The following ARHGEF10 variants were observed in gnomAD, a reference collection of about 807,000 sequenced individuals.
ARHGEF10 encodes the protein Rho guanine nucleotide exchange factor (GEF) 10.
In ARHGEF10, 140 loss-of-function variants were observed where a neutral mutation model predicts 147.4. The observed-to-expected ratio is 0.95, with a 90% CI of 0.83 to 1.09. ARHGEF10 has a LOEUF of 1.09. Among genes scored for constraint, ARHGEF10 ranks in the 50% least tolerant of loss-of-function variants. The pLI is 0.00. For synonymous variants in ARHGEF10, 902 were observed against 695.8 expected (o/e 1.30, Z -4.67); for missense variants, 2,222 against 1,752.7 (o/e 1.27, Z -4.78).
At chr8:1,946,667 G>A (rs1387488072) in intron 27 of ARHGEF10, among the ~76,000 whole-genome samples, 2 of 152,174 alleles carry the variant, frequency 1.3e-5, no homozygotes, top group Non-Finnish European at 2.9e-5. Context: ...CTTCAACATC[G>A]AAATCTGGGG....
intron 15 of ARHGEF10, among the ~76,000 whole-genome samples, chr8:1,901,102 A>G (rs2129170530): frequency 6.6e-6 from 1 of 151,882 alleles, no homozygotes; most frequent in South Asian, 2.1e-4. Flanking sequence ...CTGTGTCTGG[A>G]GTCATTGTGT....
At chr8:1,832,177 A>G (rs78488845) in intron 1 of ARHGEF10, among the ~76,000 whole-genome samples, 11,153 of 152,244 alleles carry the variant, frequency 0.073, 515 homozygotes, top group African/African-American at 0.14. Context: ...ACGCTGCTCC[A>G]AGGGAGTCTC....
In ARHGEF10 at chr8:1,952,781, C is replaced by T. The variant is rs778790364; in HGVS notation, c.3474C>T (p.Leu1158=). ...LLMVGTSLGV[L]VALPVPRLQG... ...TGGTCGGCACCAGCCTGGGAGTCCTCGTGGCCCTGCCGGTCCCACGTCTGC... is the reference window on the plus strand; with the variant it reads ...TGGTCGGCACCAGCCTGGGAGTCCTTGTGGCCCTGCCGGTCCCACGTCTGC... Residue 1158 remains leucine, a synonymous_variant, in exon 28 of 29, where the codon CTC becomes CTT. Transcript: ENST00000349830. The T allele has an allele frequency of 8.1e-6, 13 of 1,613,496 alleles. No individual in the cohort carries two copies. Among genetic ancestry groups the T allele is most frequent in the Non-Finnish European group, 1.1e-5 (13 of 1,180,056 alleles).
chr8:1,899,834 G>A (rs753461975), intron 15 of ARHGEF10, among the ~76,000 whole-genome samples: 9 of 152,332 alleles, frequency 5.9e-5, no homozygotes, highest in Non-Finnish European at 1.3e-4. Flanking sequence ...GAGCTTCCTC[G>A]TGTGAGGGAG....
chr8:1,938,208 T>A (rs1813780617), intron 26 of ARHGEF10, among the ~76,000 whole-genome samples: 1 of 152,216 alleles, frequency 6.6e-6, no homozygotes, highest in Non-Finnish European at 1.5e-5. Flanking sequence ...GTTTGTCCAA[T>A]TGCTGTTTAA....
chr8:1,866,212 C>T (rs901925616), intron 5 of ARHGEF10, among the ~76,000 whole-genome samples: 1 of 152,130 alleles, frequency 6.6e-6, no homozygotes, highest in Non-Finnish European at 1.5e-5. Flanking sequence ...AAAGGGGTGG[C>T]TGAAAAACCA....
At chr8:1,837,603 G>C (rs1327592083) in intron 1 of ARHGEF10, among the ~76,000 whole-genome samples, 1 of 152,226 alleles carries the variant, frequency 6.6e-6, no homozygotes, top group Non-Finnish European at 1.5e-5. Context: ...GTTAGGTAGA[G>C]CGTGCTGGTG....
chr8:1,842,848 C>T (rs1238069461), intron 1 of ARHGEF10, among the ~76,000 whole-genome samples: 1 of 152,206 alleles, frequency 6.6e-6, no homozygotes, highest in African/African-American at 2.4e-5. Context: ...GACCCAGCCT[C>T]GCCCCGAGAG....
In ARHGEF10 at chr8:1,929,281, T is replaced by G; in HGVS notation, c.2922-5T>G. 1 of 1,614,026 alleles carries G rather than the reference T, an allele frequency of 6.2e-7. No homozygotes were observed. Among genetic ancestry groups the G allele is most frequent in the Non-Finnish European group, 8.5e-7 (1 of 1,179,930 alleles). On this transcript the variant is annotated splice_region_variant and splice_polypyrimidine_tract_variant and intron_variant, in intron 24 of 28. Coordinates refer to ENST00000349830, the MANE Select transcript of ARHGEF10 (RefSeq NM_014629.4). Reference sequence around the variant, plus strand: ...TATTTATTAGCTTGTATTTTTCTCTTAAAGCATTTCCATTTATAAAAGCAG... The same window carrying G: ...TATTTATTAGCTTGTATTTTTCTCTGAAAGCATTTCCATTTATAAAAGCAG...
intron 27 of ARHGEF10, chr8:1,945,871 T>TGAAGGAGCCGCGTGCTG: frequency 3.3e-6 from 1 of 299,654 alleles, no homozygotes; most frequent in East Asian, 7.8e-5. Flanking sequence ...GCACAGGTCC[T>TGAAGGAGCCGCGTGCTG]GAAGGAGCCG....
At chr8:1,837,456 T>C (rs1803653778) in intron 1 of ARHGEF10, among the ~76,000 whole-genome samples, 1 of 152,250 alleles carries the variant, frequency 6.6e-6, no homozygotes, top group Admixed American at 6.5e-5. Flanking sequence ...AGAAATCAAT[T>C]TGACTCATTT....
At position 1,863,513 on chromosome 8, in the gene ARHGEF10, C is replaced by T. The variant is rs544771416; in HGVS notation, c.482-860C>T. On this transcript the variant is annotated intron_variant, in intron 4 of 28. Transcript: ENST00000349830. Reference sequence around the variant, plus strand: ...TGCCAGTGTGGCGATGAGCAGCAGCCGCTGAGTGCTGCTGGCTCTCCTTCC... The same window carrying T: ...TGCCAGTGTGGCGATGAGCAGCAGCTGCTGAGTGCTGCTGGCTCTCCTTCC... Among the ~76,000 whole-genome samples the T allele has an allele frequency of 3.1e-4, 47 of 152,318 alleles. No individual in the cohort carries two copies. In the East Asian group the frequency reaches 7.4e-3, roughly 24 times the overall value.
At chr8:1,880,486 A>G (rs1808095148) in intron 9 of ARHGEF10, among the ~76,000 whole-genome samples, 1 of 152,248 alleles carries the variant, frequency 6.6e-6, no homozygotes, top group Non-Finnish European at 1.5e-5. Context: ...TGGAAAATAC[A>G]GCAATTTTTC....
chr8:1,867,567 C>G (rs1033149729), intron 6 of ARHGEF10, among the ~76,000 whole-genome samples: 8 of 152,194 alleles, frequency 5.3e-5, no homozygotes, highest in African/African-American at 9.7e-5. Context: ...CTCCAGCTTC[C>G]GTACAATTCA....
At chr8:1,914,446 C>T (rs576164929) in intron 18 of ARHGEF10, among the ~76,000 whole-genome samples, 8 of 152,366 alleles carry the variant, frequency 5.3e-5, no homozygotes, top group African/African-American at 1.9e-4. Context: ...ACTGCATGGC[C>T]TCGCCTGTAG....
intron 8 of ARHGEF10, among the ~76,000 whole-genome samples, chr8:1,877,089 T>A (rs1807772931): frequency 6.6e-6 from 1 of 152,250 alleles, no homozygotes; most frequent in Non-Finnish European, 1.5e-5. Flanking sequence ...GGATCGGGGT[T>A]CCCTAAGACA....
Position 1,833,414 on chromosome 8 carries a change from GCAGAGA to G in ARHGEF10, c.-48+9319_-48+9324del, listed in dbSNP as rs67976871. Among the ~76,000 whole-genome samples, 1,121 of 147,322 alleles carry G rather than the reference GCAGAGA, an allele frequency of 7.6e-3. 8 individuals are homozygous for G. Among genetic ancestry groups the G allele is most frequent in the Middle Eastern group, 0.015 (4 of 274 alleles). Reference sequence around the variant, plus strand: ...GACAGGGGCAGAGACAGAGACAGAGGCAGAGACAGAGACAGAGACAGAGGCAGGGGC... The same window carrying G: ...GACAGGGGCAGAGACAGAGACAGAGGCAGAGACAGAGACAGAGGCAGGGGC... On this transcript the variant is annotated intron_variant, in intron 1 of 28. Coordinates refer to ENST00000349830, the MANE Select transcript of ARHGEF10 (RefSeq NM_014629.4).
rs145964831 is a variant in ARHGEF10 at position 1,904,416 on chromosome 8, G to A, written c.1821+965G>A. 30 of 152,238 alleles carry A rather than the reference G, an allele frequency of 2.0e-4. No individual in the cohort carries two copies. In the East Asian group the frequency reaches 4.6e-3, roughly 24 times the overall value. The allele number at this position is 152,238 out of a possible 1,614,324, so 9.4% of individuals were successfully genotyped here. On this transcript the variant is annotated intron_variant, in intron 16 of 28. Transcript: ENST00000349830. ...TTTGTCATTAGGAGTAGTTTCTTAC[G>A]TTACAATGACATTCAGTAATGTAAC...
Position 1,928,581 on chromosome 8 carries a change from C to G in ARHGEF10, c.2852C>G (p.Pro951Arg). The G allele has an allele frequency of 6.2e-7, 1 of 1,614,228 alleles. No homozygotes were observed. The highest frequency in any genetic ancestry group is 8.5e-7 in the Non-Finnish European group (1 of 1,180,046). The change falls in exon 24 of 29, where the codon CCG becomes CGG. Residue 951 changes from proline to arginine, a missense_variant. Pro to Arg is a moderately radical substitution (Grantham distance 103, BLOSUM62 -2). Transcript: ENST00000349830. ...EEKRREPGAP[P>R]DPETPAVRAS... is the part of the protein sequence containing the mutation. The stretch of plus-strand genomic sequence containing the variant: ...AAGCGCAGAGAGCCTGGGGCACCCC[C>G]GGACCCCGAGACCCCGGCCGTGAGA...
Sources: allele counts gnomAD v4.1 joint callset (sites outside exome capture counted in the v4.1 genomes callset), GRCh38; gene constraint gnomAD v4.1.1; transcripts MANE v1.5; gene names NCBI Gene and HGNC (gene_info 2026-07-23, HGNC 2026-07-21).